Variants in EPHA5 observed in about 807,000 individuals in gnomAD.
EPHA5 encodes EPH receptor A5.
A neutral mutation model predicts 105.0 loss-of-function variants in EPHA5; 60 were observed. The observed-to-expected ratio is 0.57, with a 90% CI of 0.46 to 0.71. The LOEUF is 0.71. EPHA5 is among the 30% of genes least tolerant of loss of function. The pLI is 0.00. For synonymous variants in EPHA5, 513 were observed against 449.1 expected, an observed-to-expected ratio of 1.14 and a Z score of -1.80; for missense variants, 1,218 against 1,274.7, an observed-to-expected ratio of 0.96 and a Z score of 0.68.
intron 3 of EPHA5, among the ~76,000 whole-genome samples, chr4:65,511,727 C>T (rs941967562): frequency 2.0e-5 from 3 of 152,224 alleles, no homozygotes; most frequent in African/African-American, 7.2e-5. Flanking sequence ...ATTTTTTAGG[C>T]AATCAGTTAT....
At chr4:65,375,492 T>C (rs933300429) in intron 8 of EPHA5, among the ~76,000 whole-genome samples, 7 of 151,858 alleles carry the variant, frequency 4.6e-5, no homozygotes, top group African/African-American at 1.7e-4. Context: ...AAGCCAAAAG[T>C]ACAGTAGAAA....
At chr4:65,333,696 C>T (rs1056653277) in intron 15 of EPHA5, among the ~76,000 whole-genome samples, 1 of 144,624 alleles carries the variant, frequency 6.9e-6, no homozygotes, top group Admixed American at 7.1e-5. Context: ...TAGGCTATAA[C>T]TCCACTATAG....
At chr4:65,379,139 C>A (rs778655168) in intron 8 of EPHA5, among the ~76,000 whole-genome samples, 2 of 151,820 alleles carry the variant, frequency 1.3e-5, no homozygotes, top group Non-Finnish European at 2.9e-5. Flanking sequence ...TGGCTATTAT[C>A]TCATAGAATT....
At chr4:65,413,577 T>TAC (rs1217411929) in intron 7 of EPHA5, among the ~76,000 whole-genome samples, 4 of 151,838 alleles carry the variant, frequency 2.6e-5, no homozygotes, top group East Asian at 3.9e-4. Flanking sequence ...TTAAAGCAAA[T>TAC]ACACACACAC....
chr4:65,528,361 A>G (rs569269130), intron 3 of EPHA5, among the ~76,000 whole-genome samples: 23 of 152,124 alleles, frequency 1.5e-4, no homozygotes, highest in Non-Finnish European at 2.9e-4. Context: ...AGACAAAAAT[A>G]TGTTTCTTAA....
chr4:65,385,140 T>C (rs1440095259), intron 8 of EPHA5, among the ~76,000 whole-genome samples: 2 of 151,830 alleles, frequency 1.3e-5, no homozygotes, highest in East Asian at 1.9e-4. Flanking sequence ...ATAACGTTTA[T>C]AAACACAGCT....
At chr4:65,519,609 T>A (rs1041112055) in intron 3 of EPHA5, among the ~76,000 whole-genome samples, 1 of 151,744 alleles carries the variant, frequency 6.6e-6, no homozygotes, top group African/African-American at 2.4e-5. Flanking sequence ...AGATGACATG[T>A]TTGTATATTT....
chr4:65,523,161 A>T (rs1734924714), intron 3 of EPHA5, among the ~76,000 whole-genome samples: 1 of 151,862 alleles, frequency 6.6e-6, no homozygotes, highest in Non-Finnish European at 1.5e-5. Context: ...TCATATATTC[A>T]TATATTACAT....
intron 2 of EPHA5, among the ~76,000 whole-genome samples, chr4:65,627,789 A>C (rs1393284647): frequency 6.6e-6 from 1 of 152,190 alleles, no homozygotes; most frequent in African/African-American, 2.4e-5. Flanking sequence ...CCACAGAAGT[A>C]ATTTCTTCAG....
At position 65,335,984 on chromosome 4, in the gene EPHA5, T is replaced by C. The variant is rs764760869; in HGVS notation, c.2737A>G (p.Lys913Glu). ...AGACTACTTGGGTTACGTATCAGCT[T>C]GTCCAACATGTTGACTATTTCATCA... is the stretch of plus-strand genomic sequence containing the variant. The part of the protein sequence containing the change: ...KFDEIVNMLD[K>E]LIRNPSSLKT... The change falls in exon 15 of 17, where the codon AAG (lysine) becomes GAG (glutamate). Residue 913 changes from lysine (K) to glutamate (E), a missense_variant. Transcript: ENST00000613740. The C allele has an allele frequency of 9.3e-6, 15 of 1,613,084 alleles. No individual in the cohort carries two copies.
chr4:65,467,405 C>G (rs34729298), intron 5 of EPHA5, among the ~76,000 whole-genome samples: 36,778 of 152,094 alleles, frequency 0.24, 5,249 homozygotes, highest in Middle Eastern at 0.39. Context: ...GGGTGGAATA[C>G]TTGGATTTCC....
chr4:65,333,192 TAAATTTACATAATTTACATGTG>T (rs935768955), intron 15 of EPHA5, among the ~76,000 whole-genome samples: 1 of 151,222 alleles, frequency 6.6e-6, no homozygotes, highest in Non-Finnish European at 1.5e-5. Flanking sequence ...GCCCATTATG[TAAATTTACATAATTTACATGTG>T]AAATTTACTT....
chr4:65,599,540 C>G (rs1408739099), intron 3 of EPHA5, among the ~76,000 whole-genome samples: 1 of 152,010 alleles, frequency 6.6e-6, no homozygotes, highest in South Asian at 2.1e-4. Context: ...CCTAGAGTGC[C>G]ATCACATACC....
intron 8 of EPHA5, among the ~76,000 whole-genome samples, chr4:65,368,669 C>A (rs936105593): frequency 2.6e-5 from 4 of 152,196 alleles, no homozygotes; most frequent in African/African-American, 7.2e-5. Flanking sequence ...AGCCAAATTA[C>A]AGTATATAAG....
At chr4:65,658,411 G>A (rs986627480) in intron 1 of EPHA5, among the ~76,000 whole-genome samples, 14 of 152,000 alleles carry the variant, frequency 9.2e-5, no homozygotes, top group African/African-American at 3.4e-4. Flanking sequence ...GAGTAAATAA[G>A]GGCTGCTTGA....
intron 2 of EPHA5, among the ~76,000 whole-genome samples, chr4:65,637,569 CATATATATATATATATATAT>C (rs34456844): frequency 8.9e-6 from 1 of 112,440 alleles, no homozygotes; most frequent in African/African-American, 3.2e-5. Context: ...ATGAGTTTTG[CATATATATATATATATATAT>C]ATATATATAC....
At position 65,440,701 on chromosome 4, in the gene EPHA5, G is replaced by A. The variant is rs537325017; in HGVS notation, c.1403-20136C>T. ...ACTCATCCAGGCATATGCAAAGCAAGCAGGGGGCCTTTGAGGAGGAGCGAT... is the reference window on the plus strand; with the variant it reads ...ACTCATCCAGGCATATGCAAAGCAAACAGGGGGCCTTTGAGGAGGAGCGAT... On this transcript the variant is annotated intron_variant, in intron 5 of 16. Coordinates refer to ENST00000613740, the MANE Select transcript of EPHA5 (RefSeq NM_001281766.3). Among the ~76,000 whole-genome samples the A allele has an allele frequency of 4.6e-5, 7 of 152,160 alleles. No homozygotes were observed. In the South Asian group the frequency reaches 1.5e-3, roughly 32 times the overall value.
intron 7 of EPHA5, among the ~76,000 whole-genome samples, chr4:65,405,838 A>C (rs1274441877): frequency 6.6e-6 from 1 of 151,794 alleles, no homozygotes; most frequent in East Asian, 1.9e-4. Flanking sequence ...CCCTTTCCCC[A>C]AGGTCTGCTT....
At chr4:65,593,118 A>T (rs1742835265) in intron 3 of EPHA5, among the ~76,000 whole-genome samples, 1 of 152,174 alleles carries the variant, frequency 6.6e-6, no homozygotes, top group Admixed American at 6.5e-5. Context: ...TCTATTTATG[A>T]TAATGGGATA....
Sources: allele counts gnomAD v4.1 joint callset (sites outside exome capture counted in the v4.1 genomes callset), GRCh38; gene constraint gnomAD v4.1.1; transcripts MANE v1.5; gene names NCBI Gene and HGNC (gene_info 2026-07-23, HGNC 2026-07-21).